Variants in SCN11A observed in about 807,000 individuals in gnomAD.
The protein encoded by SCN11A is sodium channel protein type 11 subunit alpha.
SCN11A carries 122 observed loss-of-function variants against 162.2 expected under a neutral mutation model. That is an observed-to-expected ratio of 0.75 (90% CI 0.65 to 0.87). The LOEUF is 0.87. SCN11A is among the 40% of genes least tolerant of loss of function. The pLI, the probability that SCN11A is intolerant of heterozygous loss-of-function variation, is 0.00. For synonymous variants in SCN11A, 758 were observed against 751.5 expected, an observed-to-expected ratio of 1.01 and a Z score of -0.14; for missense variants, 2,015 against 2,181.6, an observed-to-expected ratio of 0.92 and a Z score of 1.52.
At chr3:38,965,849 G>A (rs914975953) in intron 2 of SCN11A, among the ~76,000 whole-genome samples, 1 of 152,034 alleles carries the variant, frequency 6.6e-6, no homozygotes, top group Non-Finnish European at 1.5e-5. Flanking sequence ...GTATGGTGGT[G>A]CACACCTGCA....
chr3:38,946,635 A>G (rs1481865513), intron 6 of SCN11A, among the ~76,000 whole-genome samples, 154 bp downstream of exon 6: 2 of 152,260 alleles, frequency 1.3e-5, no homozygotes, highest in African/African-American at 4.8e-5. Flanking sequence ...CATCTTGCTC[A>G]CATCCAGCAC....
At chr3:38,873,287 G>A (rs73066589) in intron 23 of SCN11A, among the ~76,000 whole-genome samples, 21,460 of 152,132 alleles carry the variant, frequency 0.14, 1,969 homozygotes, top group East Asian at 0.25. Flanking sequence ...AAGAAGAGTT[G>A]CTCAGCTGGA....
chr3:39,046,300 A>T (rs1246411413), intron 1 of SCN11A, among the ~76,000 whole-genome samples: 9 of 101,970 alleles, frequency 8.8e-5, no homozygotes, highest in African/African-American at 3.5e-4. Context: ...GAAGGGAGGG[A>T]GGAAGGGAGG....
chr3:38,885,012 G>A (rs2065371610), intron 21 of SCN11A, among the ~76,000 whole-genome samples: 1 of 152,158 alleles, frequency 6.6e-6, no homozygotes, highest in Non-Finnish European at 1.5e-5. Context: ...GAAAGTGGCA[G>A]ACATATTGGC....
At chr3:38,892,107 A>G (rs1007591794) in intron 19 of SCN11A, among the ~76,000 whole-genome samples, 1 of 152,206 alleles carries the variant, frequency 6.6e-6, no homozygotes, top group Non-Finnish European at 1.5e-5. Context: ...AATAATGGAG[A>G]CCAAAAGGCA....
At chr3:38,963,631 A>C (rs2066761926) in intron 2 of SCN11A, among the ~76,000 whole-genome samples, 1 of 151,860 alleles carries the variant, frequency 6.6e-6, no homozygotes, top group South Asian at 2.1e-4. Flanking sequence ...AGGAATTGAA[A>C]ACTGAACATC....
intron 26 of SCN11A, 56 bp downstream of exon 26, chr3:38,870,635 C>A (rs1171231187): frequency 2.1e-6 from 3 of 1,459,610 alleles, no homozygotes; most frequent in Non-Finnish European, 2.9e-6. Flanking sequence ...TCCATGTAGT[C>A]ATGATATCTC....
intron 22 of SCN11A, among the ~76,000 whole-genome samples, chr3:38,882,395 G>A (rs1470512352): frequency 6.6e-6 from 1 of 151,980 alleles, no homozygotes; most frequent in African/African-American, 2.4e-5. Flanking sequence ...TTAGTAATAT[G>A]GAACCAAACT....
chr3:38,970,274 G>C (rs1179787512), intron 2 of SCN11A, among the ~76,000 whole-genome samples: 1 of 152,090 alleles, frequency 6.6e-6, no homozygotes, highest in Admixed American at 6.5e-5. Context: ...TTTCAATACT[G>C]TTTCCAATCT....
At chr3:38,939,626 G>A (rs1445789350) in intron 7 of SCN11A, among the ~76,000 whole-genome samples, 24 of 151,974 alleles carry the variant, frequency 1.6e-4, no homozygotes, top group Non-Finnish European at 3.1e-4. Context: ...TTTCAAGGCC[G>A]GGCGCAGTGG....
chr3:38,871,754 G>A, intron 24 of SCN11A, 46 bp from the exon 25 acceptor site: 1 of 1,505,090 alleles, frequency 6.6e-7, no homozygotes, highest in Non-Finnish European at 8.9e-7. Context: ...TGGGTAGGAT[G>A]CACCAGGCTC....
chr3:39,023,645 TTC>T (rs2031510008), intron 2 of SCN11A, among the ~76,000 whole-genome samples: 2 of 148,126 alleles, frequency 1.4e-5, no homozygotes, highest in South Asian at 4.3e-4. Context: ...ATCCCCAACT[TTC>T]TTTTTTTTTT....
At chr3:39,039,992 AC>A (rs2032003433) in intron 1 of SCN11A, among the ~76,000 whole-genome samples, 1 of 151,210 alleles carries the variant, frequency 6.6e-6, no homozygotes, top group African/African-American at 2.4e-5. Flanking sequence ...TGCTAACCCC[AC>A]CCCCTCTAGA....
In SCN11A at chr3:38,850,597, A is replaced by T; in HGVS notation, c.4211T>A (p.Val1404Asp). 6.2e-7 allele frequency: 1 copy of T among 1,613,996 alleles called. No homozygotes were observed. Among genetic ancestry groups the T allele is most frequent in the Non-Finnish European group, 8.5e-7 (1 of 1,179,902 alleles). ...MKSILDHLNW[V>D]FVVIFTLECL... ...TTCTAACGTAAAGATGACCACAAAG[A>T]CCCAGTTGAGATGGTCAAGGATGGA... is the stretch of plus-strand genomic sequence containing the variant. The change falls in exon 29 of 30, where the codon GTC (valine) becomes GAC (aspartate). Residue 1404 changes from valine (V) to aspartate (D), a missense_variant. By Grantham distance (152) the Val-to-Asp change is radical (BLOSUM62 -3). Coordinates refer to ENST00000302328, the MANE Select transcript of SCN11A (RefSeq NM_001349253.2).
intron 23 of SCN11A, among the ~76,000 whole-genome samples, chr3:38,873,625 T>C (rs2065162978): frequency 6.6e-6 from 1 of 152,148 alleles, no homozygotes. Context: ...TACCAAATCA[T>C]TGTCATAGTT....
chr3:38,954,826 T>C (rs892732214), intron 3 of SCN11A, among the ~76,000 whole-genome samples: 94 of 151,594 alleles, frequency 6.2e-4, no homozygotes, highest in African/African-American at 2.2e-3. Flanking sequence ...CTGTCTCTAC[T>C]AAAAATACAA....
Position 38,993,260 on chromosome 3 carries a change from G to A in SCN11A, c.-279-32837C>T, listed in dbSNP as rs143162668. ...GACAACATACGCCAGACACTGGAGC[G>A]CCTCTGGGAGTTTTATTCATTGGAG... On this transcript the variant is annotated intron_variant, in intron 2 of 29. Transcript: ENST00000302328. 7.5e-3 allele frequency among the ~76,000 whole-genome samples: 1,140 copies of A among 152,242 alleles called. 10 individuals are homozygous for A. Among genetic ancestry groups the A allele is most frequent in the Middle Eastern group, 0.02 (6 of 294 alleles).
Position 38,871,565 on chromosome 3 carries a change from T to G in SCN11A, c.3639A>C (p.Ser1213=). ...KFGKCINGTD[S]VINYTIITNK... ...TTGTAATGATGGTATAATTTATAAC[T>G]GAGTCTGTTCCATTAATGCATTTCC... is the stretch of plus-strand genomic sequence containing the variant. Residue 1213 remains serine, a synonymous_variant, in exon 25 of 30, where the codon TCA becomes TCC. Coordinates refer to ENST00000302328, the MANE Select transcript of SCN11A (RefSeq NM_001349253.2). 6.2e-7 allele frequency: 1 copy of G among 1,613,170 alleles called. No homozygotes were observed. Among genetic ancestry groups the G allele is most frequent in the Non-Finnish European group, 8.5e-7 (1 of 1,179,362 alleles).
rs968889932 is a variant in SCN11A at position 38,931,969 on chromosome 3, G to A, written c.489-5038C>T. On this transcript the variant is annotated intron_variant, in intron 7 of 29. Transcript: ENST00000302328. ...CTGAAAGGAAAAGTACAGCTACAAG[G>A]GTAACTAATGTGGGAAATGTAGTAC... is the stretch of plus-strand genomic sequence containing the variant. Among the ~76,000 whole-genome samples the A allele has an allele frequency of 2.6e-5, 4 of 152,098 alleles. No homozygotes were observed. In the South Asian group the frequency reaches 8.3e-4, roughly 31 times the overall value.
Sources: gnomAD v4.1 joint callset for allele counts (sites outside exome capture counted in the v4.1 genomes callset) on GRCh38, gnomAD v4.1.1 for gene constraint, MANE v1.5 for transcripts, NCBI Gene and HGNC (gene_info 2026-07-23, HGNC 2026-07-21) for gene names.